NCALD: variants seen among roughly 807,000 people sequenced by gnomAD.
The protein encoded by NCALD is neurocalcin-delta.
A neutral mutation model predicts 18.6 loss-of-function variants in NCALD; 10 were observed. That is an observed-to-expected ratio of 0.54 (90% CI 0.33 to 0.91). NCALD has a LOEUF of 0.91. Among genes scored for constraint, NCALD ranks in the 40% least tolerant of loss-of-function variants. NCALD has a pLI of 0.03. For missense variants in NCALD, 184 were observed against 247.6 expected (o/e 0.74, Z 1.72); for synonymous variants, 88 against 87.4 (o/e 1.01, Z -0.04).
At chr8:101,904,547 T>TA (rs1817547129) in intron 3 of NCALD, among the ~76,000 whole-genome samples, 1 of 152,038 alleles carries the variant, frequency 6.6e-6, no homozygotes, top group South Asian at 2.1e-4. Flanking sequence ...CCACCCCTCT[T>TA]ACATCTTCAG....
At chr8:101,956,385 G>A (rs975435001) in intron 2 of NCALD, among the ~76,000 whole-genome samples, 4 of 152,102 alleles carry the variant, frequency 2.6e-5, no homozygotes, top group East Asian at 1.9e-4. Flanking sequence ...AAACATAGCC[G>A]GCAGAAAGAG....
chr8:101,897,520 A>T (rs1586718026), intron 3 of NCALD, among the ~76,000 whole-genome samples: 1 of 152,124 alleles, frequency 6.6e-6, no homozygotes, highest in East Asian at 1.9e-4. Context: ...GTATAATAAA[A>T]AAAAAAGAAA....
At chr8:101,946,925 C>A (rs1479114736) in intron 2 of NCALD, among the ~76,000 whole-genome samples, 1 of 151,276 alleles carries the variant, frequency 6.6e-6, no homozygotes, top group Non-Finnish European at 1.5e-5. Context: ...TCAGCTTGCA[C>A]AATTCTGATT....
At chr8:101,942,647 T>A (rs1819001440) in intron 2 of NCALD, among the ~76,000 whole-genome samples, 1 of 152,158 alleles carries the variant, frequency 6.6e-6, no homozygotes, top group African/African-American at 2.4e-5. Flanking sequence ...TTCTTACAAC[T>A]CAGTGAGATA....
At chr8:101,971,649 G>A (rs1369573281) in intron 2 of NCALD, among the ~76,000 whole-genome samples, 1 of 152,002 alleles carries the variant, frequency 6.6e-6, no homozygotes, top group East Asian at 1.9e-4. Context: ...AAATTTCCCA[G>A]CCTCAGGTAT....
intron 1 of NCALD, among the ~76,000 whole-genome samples, chr8:102,114,817 G>A (rs1443392126): frequency 1.3e-5 from 2 of 152,214 alleles, no homozygotes; most frequent in Non-Finnish European, 2.9e-5. Context: ...GGGAGCCAGG[G>A]ATGTGGAAGG....
At chr8:102,066,046 G>A in intron 1 of NCALD, among the ~76,000 whole-genome samples, 1 of 151,958 alleles carries the variant, frequency 6.6e-6, no homozygotes, top group East Asian at 1.9e-4. Context: ...CACCCTCCTG[G>A]ACCCAACTCA....
intron 4 of NCALD, among the ~76,000 whole-genome samples, chr8:101,849,570 G>T (rs576606900): frequency 1.3e-5 from 2 of 151,790 alleles, no homozygotes; most frequent in South Asian, 2.1e-4. Context: ...CCATTTTTCC[G>T]ATAGGAAACC....
At chr8:101,874,733 G>T (rs1248046283) in intron 4 of NCALD, among the ~76,000 whole-genome samples, 2 of 151,910 alleles carry the variant, frequency 1.3e-5, no homozygotes, top group African/African-American at 4.8e-5. Flanking sequence ...TTACTATGTT[G>T]CCCAGGTTGG....
At chr8:101,765,620 A>T (rs556689933) in intron 1 of NCALD, among the ~76,000 whole-genome samples, 1 of 152,206 alleles carries the variant, frequency 6.6e-6, no homozygotes, top group Non-Finnish European at 1.5e-5. Flanking sequence ...CCTGGGCTGA[A>T]GACAGGTGGG....
At chr8:101,856,316 G>A (rs1334225540) in intron 4 of NCALD, among the ~76,000 whole-genome samples, 1 of 152,060 alleles carries the variant, frequency 6.6e-6, no homozygotes, top group Non-Finnish European at 1.5e-5. Context: ...TGGACCACAG[G>A]CGCACGCCAC....
At chr8:101,778,698 A>C (rs1290102035) in intron 1 of NCALD, among the ~76,000 whole-genome samples, 2 of 152,182 alleles carry the variant, frequency 1.3e-5, no homozygotes, top group African/African-American at 4.8e-5. Context: ...TTAAGACCAT[A>C]GAGGAGAGAT....
chr8:101,828,551 A>T, intron 4 of NCALD, among the ~76,000 whole-genome samples: 1 of 103,324 alleles, frequency 9.7e-6, no homozygotes, highest in East Asian at 2.7e-4. Flanking sequence ...GCACTCCCTA[A>T]TTTCCTTCTT....
At chr8:101,926,832 G>A (rs558656700) in intron 2 of NCALD, among the ~76,000 whole-genome samples, 22 of 152,342 alleles carry the variant, frequency 1.4e-4, no homozygotes, top group Admixed American at 1.4e-3. Flanking sequence ...TGGCGTTAAG[G>A]GAAGTGGCAG....
intron 1 of NCALD, among the ~76,000 whole-genome samples, chr8:101,739,043 T>C (rs1458589574): frequency 1.3e-5 from 2 of 152,122 alleles, no homozygotes; most frequent in Admixed American, 6.5e-5. Context: ...AATGCCTCCC[T>C]ACTCCCATAT....
chr8:102,076,713 C>T (rs1824360836), intron 1 of NCALD, among the ~76,000 whole-genome samples: 1 of 151,926 alleles, frequency 6.6e-6, no homozygotes, highest in African/African-American at 2.4e-5. Flanking sequence ...AACCATGTAC[C>T]CAAATGCTGG....
chr8:101,769,234 T>C (rs780741765), intron 1 of NCALD, among the ~76,000 whole-genome samples: 15 of 152,234 alleles, frequency 9.9e-5, no homozygotes, highest in Non-Finnish European at 8.8e-5. Flanking sequence ...TGATTTGTTA[T>C]AGCAGCAGTA....
chr8:102,043,846 A>C (rs1823144369), intron 1 of NCALD, among the ~76,000 whole-genome samples: 1 of 151,670 alleles, frequency 6.6e-6, no homozygotes, highest in African/African-American at 2.4e-5. Flanking sequence ...GAAGGAGAAA[A>C]TTACATTACT....
At chr8:101,919,065 T>C (rs1170505444) in intron 2 of NCALD, among the ~76,000 whole-genome samples, 3 of 152,090 alleles carry the variant, frequency 2.0e-5, no homozygotes, top group African/African-American at 4.8e-5. Flanking sequence ...GGAACCCAAA[T>C]AGCCAAAGCA....
Sources: allele counts gnomAD v4.1 joint callset (sites outside exome capture counted in the v4.1 genomes callset), GRCh38; gene constraint gnomAD v4.1.1; transcripts MANE v1.5; gene names NCBI Gene and HGNC (gene_info 2026-07-23, HGNC 2026-07-21).